Variants in ZNF512 observed in about 807,000 individuals in gnomAD.
The protein encoded by ZNF512 is zinc finger protein 512.
ZNF512 carries 25 observed loss-of-function variants against 77.5 expected under a neutral mutation model. That is an observed-to-expected ratio of 0.32 (90% CI 0.23 to 0.45). ZNF512 has a LOEUF of 0.45. Among genes scored for constraint, ZNF512 ranks in the 20% least tolerant of loss-of-function variants. The probability of loss-of-function intolerance (pLI) is 1.00; values close to 1 mark genes in which losing one functional copy is unlikely to be tolerated. For missense variants in ZNF512, 483 were observed against 692.6 expected (o/e 0.70, Z 3.40); for synonymous variants, 246 against 239.9 (o/e 1.03, Z -0.24).
intron 2 of ZNF512, among the ~76,000 whole-genome samples, chr2:27,596,179 G>T (rs1343931222): frequency 6.6e-6 from 1 of 152,166 alleles, no homozygotes; most frequent in East Asian, 1.9e-4. Flanking sequence ...AACATGAATA[G>T]CTTAGGGGCT....
In ZNF512 at chr2:27,615,161, C is replaced by G. The variant is rs374675249; in HGVS notation, c.1132-7C>G. On this transcript the variant is annotated splice_region_variant and splice_polypyrimidine_tract_variant and intron_variant, in intron 10 of 13. Transcript: ENST00000355467. ...TATCTAATGTTTCTGGTTGTCTTGTCTTGTAGTTAAAATATACTCGTCCAG... is the reference window on the plus strand; with the variant it reads ...TATCTAATGTTTCTGGTTGTCTTGTGTTGTAGTTAAAATATACTCGTCCAG... The G allele has an allele frequency of 6.5e-7, 1 of 1,547,764 alleles. No individual in the cohort carries two copies. Among genetic ancestry groups the G allele is most frequent in the South Asian group, 1.2e-5 (1 of 85,956 alleles).
intron 2 of ZNF512, among the ~76,000 whole-genome samples, chr2:27,588,651 G>T (rs920298663): frequency 1.3e-5 from 2 of 152,028 alleles, no homozygotes; most frequent in African/African-American, 4.8e-5. Flanking sequence ...AAATCAGTAA[G>T]TCCTCTAACT....
At chr2:27,608,067 G>A (rs1408276539) in intron 10 of ZNF512, 28 bp downstream of exon 10, 1 of 1,528,868 alleles carries the variant, frequency 6.5e-7, no homozygotes, top group African/African-American at 1.4e-5. Flanking sequence ...ATCAATTTGG[G>A]AACCATTATG....
chr2:27,619,435 G>A (rs1673030878), intron 13 of ZNF512, among the ~76,000 whole-genome samples: 1 of 152,030 alleles, frequency 6.6e-6, no homozygotes, highest in South Asian at 2.1e-4. Context: ...GACAAAATCT[G>A]GCCTTTATAT....
chr2:27,598,271 C>T lies in ZNF512; in HGVS notation c.277+17C>T. The T allele has an allele frequency of 6.2e-7, 1 of 1,600,702 alleles. No individual in the cohort carries two copies. Among genetic ancestry groups the T allele is most frequent in the Non-Finnish European group, 8.5e-7 (1 of 1,171,548 alleles). On this transcript the variant is annotated intron_variant, in intron 3 of 13. Transcript: ENST00000355467. ...ATGTCGAAGGTATCAATATCAGTGT[C>T]TTATTCTGAAGACGGGCCACTTCCT... is the stretch of plus-strand genomic sequence containing the variant.
At chr2:27,599,862 C>A in intron 4 of ZNF512, 108 bp from the exon 5 acceptor site, 1 of 1,320,714 alleles carries the variant, frequency 7.6e-7, no homozygotes, top group Admixed American at 1.9e-5. Context: ...CTTAGGCAGT[C>A]AGTCGGTTGA....
intron 1 of ZNF512, chr2:27,583,371 T>C: frequency 7.3e-7 from 1 of 1,366,500 alleles, no homozygotes; most frequent in South Asian, 1.5e-5. Flanking sequence ...TCTATTCCTT[T>C]TACATCCCCA....
intron 2 of ZNF512, among the ~76,000 whole-genome samples, chr2:27,594,076 G>C (rs2148010243): frequency 6.6e-6 from 1 of 152,350 alleles, no homozygotes; most frequent in East Asian, 1.9e-4. Context: ...CCTGCAGAAA[G>C]GCTGTCACTT....
chr2:27,591,559 C>T (rs531322360), intron 2 of ZNF512, among the ~76,000 whole-genome samples: 6 of 152,286 alleles, frequency 3.9e-5, no homozygotes, highest in Non-Finnish European at 7.4e-5. Context: ...GGACTACAGG[C>T]GCATGCTACC....
intron 2 of ZNF512, among the ~76,000 whole-genome samples, chr2:27,588,436 TTTAGAG>T (rs1288170278): frequency 6.6e-6 from 1 of 152,114 alleles, no homozygotes; most frequent in East Asian, 1.9e-4. Context: ...CTGTGACTCA[TTTAGAG>T]TTAATTTCTG....
intron 12 of ZNF512, 167 bp from the exon 13 acceptor site, chr2:27,617,306 A>T: frequency 3.4e-6 from 2 of 584,660 alleles, no homozygotes; most frequent in South Asian, 4.2e-5. Context: ...GTTGATAATC[A>T]TCCATCCAAG....
chr2:27,596,910 A>C (rs554101710), intron 2 of ZNF512, among the ~76,000 whole-genome samples: 1 of 152,374 alleles, frequency 6.6e-6, no homozygotes, highest in South Asian at 2.1e-4. Context: ...GACTCCTTTA[A>C]AAAATAAGCT....
chr2:27,589,378 T>A (rs946015310), intron 2 of ZNF512, among the ~76,000 whole-genome samples: 7 of 152,206 alleles, frequency 4.6e-5, no homozygotes, highest in African/African-American at 1.7e-4. Flanking sequence ...AATTTTTCCA[T>A]TGATTAGCAT....
chr2:27,585,409 G>A (rs745634587), intron 2 of ZNF512, among the ~76,000 whole-genome samples: 5 of 152,188 alleles, frequency 3.3e-5, no homozygotes, highest in Non-Finnish European at 4.4e-5. Context: ...GTCACCTAGA[G>A]ATAATTGTTA....
chr2:27,604,185 C>T (rs961691458), intron 9 of ZNF512, among the ~76,000 whole-genome samples: 9 of 152,196 alleles, frequency 5.9e-5, no homozygotes, highest in Non-Finnish European at 1.3e-4. Flanking sequence ...CCTCGGCCTC[C>T]CAAAGTGCTG....
Position 27,607,939 on chromosome 2 carries a change from A to G in ZNF512, c.1031A>G (p.Lys344Arg). The G allele has an allele frequency of 6.2e-7, 1 of 1,614,144 alleles. No homozygotes were observed. Among genetic ancestry groups the G allele is most frequent in the Non-Finnish European group, 8.5e-7 (1 of 1,180,002 alleles). ...GGCCGAGTTCAGAGACGTTCTGCCA[A>G]GATAGCTGTATACCACCTACAGGAG... ...SGGRVQRRSAKIAVYHLQELA... is the reference protein window; with the variant it reads ...SGGRVQRRSARIAVYHLQELA... The change falls in exon 10 of 14, where the codon AAG becomes AGG. Residue 344 changes from lysine (K) to arginine (R), a missense_variant. By Grantham distance (26) the Lys-to-Arg change is conservative. Transcript: ENST00000355467.
In ZNF512 at chr2:27,610,568, ATTTTTTTTTTTTTT is replaced by A. The variant is rs767964486; in HGVS notation, c.1131+2548_1131+2561del. ...TGTATATATATATATATATATATAT[ATTTTTTTTTTTTTT>A]TTTTTTTTTTTTTTTTTTGAGACAG... On this transcript the variant is annotated intron_variant, in intron 10 of 13. Coordinates refer to ENST00000355467, the MANE Select transcript of ZNF512 (RefSeq NM_032434.4). Among the ~76,000 whole-genome samples, 95 of 18,178 alleles carry A rather than the reference ATTTTTTTTTTTTTT, an allele frequency of 5.2e-3. 12 individuals carry two copies. Among genetic ancestry groups the A allele is most frequent in the African/African-American group, 0.013 (86 of 6,768 alleles). 11.9% of individuals were successfully genotyped at this position (18,178 alleles called of 152,430 possible). A position where few individuals can be genotyped will look rare whatever the true frequency, so the allele number is the denominator to read the frequency against.
chr2:27,617,122 AT>A, intron 12 of ZNF512: 1 of 200,392 alleles, frequency 5.0e-6, no homozygotes, highest in Non-Finnish European at 1.0e-5. Flanking sequence ...CCTCTGGTGA[AT>A]TTTGGGCATT....
intron 2 of ZNF512, among the ~76,000 whole-genome samples, chr2:27,591,298 G>A (rs1022966984): frequency 6.6e-6 from 1 of 152,172 alleles, no homozygotes; most frequent in African/African-American, 2.4e-5. Context: ...GGCATACAAT[G>A]TGAAATCACA....
Sources: allele counts gnomAD v4.1 joint callset (sites outside exome capture counted in the v4.1 genomes callset), GRCh38; gene constraint gnomAD v4.1.1; transcripts MANE v1.5; gene names NCBI Gene and HGNC (gene_info 2026-07-23, HGNC 2026-07-21).